CTNNBL1: variants seen among roughly 807,000 people sequenced by gnomAD.
CTNNBL1 encodes catenin beta like 1, also known as beta-catenin-like protein 1.
A neutral mutation model predicts 72.7 loss-of-function variants in CTNNBL1; 31 were observed. That is an observed-to-expected ratio of 0.43 (90% CI 0.32 to 0.58). The LOEUF (loss-of-function observed/expected upper bound fraction) is 0.58, where lower values mean the gene tolerates loss of function less well. Ranked by LOEUF, CTNNBL1 falls within the 20% of genes least tolerant of loss-of-function variation. The pLI, the probability that CTNNBL1 is intolerant of heterozygous loss-of-function variation, is 0.08. For synonymous variants in CTNNBL1, 240 were observed against 267.3 expected (o/e 0.90, Z 1.00); for missense variants, 534 against 725.1 (o/e 0.74, Z 3.03).
chr20:37,769,463 G>C (rs1278164597), intron 7 of CTNNBL1, among the ~76,000 whole-genome samples: 1 of 152,202 alleles, frequency 6.6e-6, no homozygotes, highest in East Asian at 1.9e-4. Context: ...ATCAAGTGAA[G>C]TGTGTTGGCT....
At chr20:37,743,176 C>T (rs1362016328) in intron 3 of CTNNBL1, among the ~76,000 whole-genome samples, 1 of 151,016 alleles carries the variant, frequency 6.6e-6, no homozygotes, top group African/African-American at 2.5e-5. Context: ...TGTTTAGTGC[C>T]CAGTCTCCCT....
chr20:37,836,685 TG>T (rs2072257471), intron 11 of CTNNBL1, among the ~76,000 whole-genome samples: 1 of 152,192 alleles, frequency 6.6e-6, no homozygotes, highest in Non-Finnish European at 1.5e-5. Context: ...GAGGGTGTGT[TG>T]TTTGTTTATG....
chr20:37,812,555 T>C (rs1166006247), intron 11 of CTNNBL1, among the ~76,000 whole-genome samples: 1 of 152,232 alleles, frequency 6.6e-6, no homozygotes, highest in Non-Finnish European at 1.5e-5. Context: ...CTGTTTCAGT[T>C]TGAAGCTCCC....
Position 37,729,515 on chromosome 20 carries a change from A to G in CTNNBL1, c.31-3364A>G, listed in dbSNP as rs542190588. Among the ~76,000 whole-genome samples the G allele has an allele frequency of 8.5e-5, 13 of 152,170 alleles. No homozygotes were observed. The East Asian group carries it at 2.5e-3, about 29-fold the overall frequency. ...TATTTTGCATTTCTTAACTGTGGCA[A>G]TATTTAGCTTTCTCCTTTTAATTGT... is the stretch of plus-strand genomic sequence containing the variant. On this transcript the variant is annotated intron_variant, in intron 1 of 15. Coordinates refer to ENST00000361383, the MANE Select transcript of CTNNBL1 (RefSeq NM_030877.5).
intron 10 of CTNNBL1, among the ~76,000 whole-genome samples, chr20:37,786,468 T>C (rs1487161630): frequency 6.6e-6 from 1 of 152,176 alleles, no homozygotes; most frequent in Non-Finnish European, 1.5e-5. Context: ...CTGGCACCAA[T>C]TGGATTTGTT....
rs141244486 is a variant in CTNNBL1, at chr20:37,817,083, A to G, written c.1213+14035A>G. On this transcript the variant is annotated intron_variant, in intron 11 of 15. Coordinates refer to ENST00000361383, the MANE Select transcript of CTNNBL1 (RefSeq NM_030877.5). ...TGGGTTATCGTTAGCCTGCTTTATT[A>G]CTGAGAGAACAGCCCCAAATAAGTT... Among the ~76,000 whole-genome samples, 356 of 152,310 alleles carry G rather than the reference A, an allele frequency of 2.3e-3. 4 individuals are homozygous for G. Among genetic ancestry groups the G allele is most frequent in the African/African-American group, 8.1e-3 (337 of 41,572 alleles).
chr20:37,711,818 G>A (rs1263007813), intron 1 of CTNNBL1, among the ~76,000 whole-genome samples: 5 of 152,068 alleles, frequency 3.3e-5, no homozygotes, highest in Non-Finnish European at 5.9e-5. Context: ...GGTGGGAACA[G>A]ACTTGTCATG....
chr20:37,699,409 C>T (rs1014183838), intron 1 of CTNNBL1, among the ~76,000 whole-genome samples: 1 of 152,158 alleles, frequency 6.6e-6, no homozygotes, highest in Non-Finnish European at 1.5e-5. Context: ...GGCAGCATGC[C>T]TGTATTATAG....
At chr20:37,730,055 T>C (rs191120611) in intron 1 of CTNNBL1, among the ~76,000 whole-genome samples, 7 of 152,276 alleles carry the variant, frequency 4.6e-5, no homozygotes, top group Admixed American at 4.6e-4. Flanking sequence ...AACAATGTCA[T>C]ATGCTCAGAC....
chr20:37,866,626 A>G (rs1221101044), intron 15 of CTNNBL1, among the ~76,000 whole-genome samples: 1 of 152,230 alleles, frequency 6.6e-6, no homozygotes, highest in Non-Finnish European at 1.5e-5. Flanking sequence ...AGGAACAGAG[A>G]TGCTCAGACC....
chr20:37,860,162 A>G, intron 14 of CTNNBL1, 110 bp from the exon 15 acceptor site: 1 of 1,479,146 alleles, frequency 6.8e-7, no homozygotes. Context: ...ACTCTACATC[A>G]GCCTTTTGTT....
intron 11 of CTNNBL1, among the ~76,000 whole-genome samples, chr20:37,815,176 A>C (rs1238966564): frequency 6.6e-6 from 1 of 151,804 alleles, no homozygotes; most frequent in Non-Finnish European, 1.5e-5. Context: ...TTTTTTAGCA[A>C]GGGTGGGCAT....
intron 1 of CTNNBL1, 31 bp from the exon 2 acceptor site, chr20:37,732,848 G>T (rs189541950): frequency 6.2e-6 from 10 of 1,604,854 alleles, no homozygotes; most frequent in African/African-American, 1.3e-5. Flanking sequence ...GTTGTATCCA[G>T]CTCTAAAATC....
At chr20:37,766,276 T>C (rs1457449306) in intron 6 of CTNNBL1, among the ~76,000 whole-genome samples, 2 of 152,348 alleles carry the variant, frequency 1.3e-5, no homozygotes, top group East Asian at 3.9e-4. Flanking sequence ...AACTGACTGC[T>C]AACTGTCTGT....
chr20:37,716,467 A>G (rs182273160), intron 1 of CTNNBL1, among the ~76,000 whole-genome samples: 3 of 152,198 alleles, frequency 2.0e-5, no homozygotes, highest in Admixed American at 6.5e-5. Flanking sequence ...TCTGACACTG[A>G]ATTGTCTTAT....
intron 10 of CTNNBL1, among the ~76,000 whole-genome samples, chr20:37,785,275 G>A (rs567253961): frequency 5.9e-5 from 9 of 152,214 alleles, no homozygotes; most frequent in Non-Finnish European, 1.3e-4. Flanking sequence ...ATGGGGTTTT[G>A]TAACCTTTTG....
At chr20:37,840,912 G>A (rs2072298898) in intron 12 of CTNNBL1, among the ~76,000 whole-genome samples, 1 of 152,176 alleles carries the variant, frequency 6.6e-6, no homozygotes, top group African/African-American at 2.4e-5. Flanking sequence ...TCGGGCTATG[G>A]AAGCTGGGAA....
chr20:37,703,698 G>A (rs1199424998), intron 1 of CTNNBL1, among the ~76,000 whole-genome samples: 1 of 152,074 alleles, frequency 6.6e-6, no homozygotes, highest in Non-Finnish European at 1.5e-5. Flanking sequence ...TTCAGTCAGG[G>A]GTGTTGATGT....
chr20:37,840,617 A>C (rs980425445), intron 12 of CTNNBL1, among the ~76,000 whole-genome samples: 4 of 152,248 alleles, frequency 2.6e-5, no homozygotes, highest in African/African-American at 9.6e-5. Flanking sequence ...GGGGACATCA[A>C]TACTCATCTT....
Sources: gnomAD v4.1 joint callset for allele counts (sites outside exome capture counted in the v4.1 genomes callset) on GRCh38, gnomAD v4.1.1 for gene constraint, MANE v1.5 for transcripts, NCBI Gene and HGNC (gene_info 2026-07-23, HGNC 2026-07-21) for gene names.